Variants in CNTNAP2 observed in about 807,000 individuals in gnomAD.
CNTNAP2 encodes the protein contactin-associated protein-like 2.
CNTNAP2 carries 98 observed loss-of-function variants against 155.2 expected under a neutral mutation model. That is an observed-to-expected ratio of 0.63 (90% CI 0.54 to 0.75). CNTNAP2 has a LOEUF of 0.75. Among genes scored for constraint, CNTNAP2 ranks in the 30% least tolerant of loss-of-function variants. The pLI, the probability that CNTNAP2 is intolerant of heterozygous loss-of-function variation, is 0.00. For synonymous variants in CNTNAP2, 651 were observed against 631.2 expected, an observed-to-expected ratio of 1.03 and a Z score of -0.47; for missense variants, 1,727 against 1,688.1, an observed-to-expected ratio of 1.02 and a Z score of -0.40.
intron 1 of CNTNAP2, among the ~76,000 whole-genome samples, chr7:146,766,333 G>C (rs116597450): frequency 0.012 from 1,773 of 152,070 alleles, 31 homozygotes; most frequent in African/African-American, 0.037. Context: ...AAAAGATGTG[G>C]GTCTGATTTG....
chr7:146,316,465 A>G (rs765386841), intron 1 of CNTNAP2, among the ~76,000 whole-genome samples: 1 of 152,110 alleles, frequency 6.6e-6, no homozygotes, highest in African/African-American at 2.4e-5. Context: ...AGACAAGGTA[A>G]GAGTCATATT....
At chr7:147,554,249 A>G (rs1799907874) in intron 11 of CNTNAP2, among the ~76,000 whole-genome samples, 1 of 152,160 alleles carries the variant, frequency 6.6e-6, no homozygotes, top group South Asian at 2.1e-4. Context: ...AATTTGATAT[A>G]TTGTGGAGTG....
chr7:147,755,090 G>A (rs1797195689), intron 13 of CNTNAP2, among the ~76,000 whole-genome samples: 1 of 152,098 alleles, frequency 6.6e-6, no homozygotes, highest in Non-Finnish European at 1.5e-5. Flanking sequence ...AGTAAATCGG[G>A]TGAAAAATGA....
chr7:146,978,176 T>G (rs544168900), intron 3 of CNTNAP2, among the ~76,000 whole-genome samples: 4 of 152,130 alleles, frequency 2.6e-5, no homozygotes, highest in African/African-American at 9.7e-5. Flanking sequence ...CTTTAAAAAT[T>G]TGAGATAATT....
chr7:146,376,287 G>A (rs147758771), intron 1 of CNTNAP2, among the ~76,000 whole-genome samples: 37 of 152,074 alleles, frequency 2.4e-4, no homozygotes, highest in African/African-American at 7.0e-4. Context: ...CTTGTGCTCC[G>A]AATTCCTTAC....
intron 23 of CNTNAP2, among the ~76,000 whole-genome samples, chr7:148,413,383 A>G: frequency 2.0e-5 from 2 of 97,794 alleles, no homozygotes; most frequent in African/African-American, 3.8e-5. Flanking sequence ...CAAGAGTGAA[A>G]CTCCGTCTCA....
intron 2 of CNTNAP2, among the ~76,000 whole-genome samples, chr7:146,821,253 C>T (rs548208742): frequency 6.6e-6 from 1 of 152,250 alleles, no homozygotes; most frequent in East Asian, 1.9e-4. Context: ...CAGTTTCTTC[C>T]TAGCCTTGAT....
chr7:147,034,544 A>T (rs958620000), intron 3 of CNTNAP2, among the ~76,000 whole-genome samples: 6 of 152,120 alleles, frequency 3.9e-5, no homozygotes, highest in African/African-American at 1.4e-4. Flanking sequence ...TAATCGGTTC[A>T]ATTAGACCCC....
intron 1 of CNTNAP2, among the ~76,000 whole-genome samples, chr7:146,755,775 T>C (rs1585075325): frequency 6.6e-6 from 1 of 151,970 alleles, no homozygotes; most frequent in Non-Finnish European, 1.5e-5. Context: ...TATTGACACA[T>C]TCAAATGATA....
chr7:147,797,485 G>C (rs1395430800), intron 13 of CNTNAP2, among the ~76,000 whole-genome samples: 2 of 152,028 alleles, frequency 1.3e-5, no homozygotes, highest in Admixed American at 1.3e-4. Flanking sequence ...TAAGCTGTTT[G>C]ATAACAACCA....
chr7:147,407,285 G>A (rs1243709980), intron 10 of CNTNAP2, among the ~76,000 whole-genome samples: 1 of 151,878 alleles, frequency 6.6e-6, no homozygotes, highest in Admixed American at 6.6e-5. Flanking sequence ...TGGCTAACAT[G>A]GTGAAACCCC....
intron 19 of CNTNAP2, among the ~76,000 whole-genome samples, chr7:148,219,396 A>G (rs13231764): frequency 1.7e-4 from 26 of 152,324 alleles, no homozygotes; most frequent in African/African-American, 6.0e-4. Context: ...ATGGCATCTT[A>G]AAGAGCAAGA....
At chr7:146,299,065 A>C (rs1012420445) in intron 1 of CNTNAP2, among the ~76,000 whole-genome samples, 4 of 151,834 alleles carry the variant, frequency 2.6e-5, no homozygotes, top group South Asian at 4.2e-4. Context: ...TGAAGTCAGG[A>C]GCTCGAGACC....
intron 8 of CNTNAP2, among the ~76,000 whole-genome samples, chr7:147,167,016 T>G (rs1055422639): frequency 1.1e-4 from 16 of 152,282 alleles, no homozygotes; most frequent in African/African-American, 3.9e-4. Flanking sequence ...ACCCCATCAC[T>G]GTAAGGCTGC....
At chr7:146,836,052 A>G (rs931801025) in intron 2 of CNTNAP2, among the ~76,000 whole-genome samples, 1 of 152,158 alleles carries the variant, frequency 6.6e-6, no homozygotes, top group African/African-American at 2.4e-5. Context: ...GTACTGTATC[A>G]TAGAAAAAAT....
chr7:147,734,052 G>A (rs1347775136), intron 13 of CNTNAP2, among the ~76,000 whole-genome samples: 3 of 152,148 alleles, frequency 2.0e-5, no homozygotes, highest in Non-Finnish European at 2.9e-5. Context: ...CCAACACTAT[G>A]TTCAATAGTA....
At chr7:147,984,433 T>C (rs1801582507) in intron 15 of CNTNAP2, among the ~76,000 whole-genome samples, 1 of 152,136 alleles carries the variant, frequency 6.6e-6, no homozygotes, top group African/African-American at 2.4e-5. Flanking sequence ...ACAGAAACAA[T>C]GTTATTAGGT....
chr7:148,354,896 G>A (rs1798485996), intron 21 of CNTNAP2, among the ~76,000 whole-genome samples: 1 of 151,972 alleles, frequency 6.6e-6, no homozygotes, highest in South Asian at 2.1e-4. Context: ...CTCTGGCTCT[G>A]GCCAACATGG....
intron 11 of CNTNAP2, among the ~76,000 whole-genome samples, chr7:147,554,597 TA>T (rs202156090): frequency 6.6e-6 from 1 of 152,138 alleles, no homozygotes; most frequent in Non-Finnish European, 1.5e-5. Flanking sequence ...TTGTCTTTTT[TA>T]AAAAAATCCT....
Sources: allele counts gnomAD v4.1 joint callset (sites outside exome capture counted in the v4.1 genomes callset), GRCh38; gene constraint gnomAD v4.1.1; transcripts MANE v1.5; gene names NCBI Gene and HGNC (gene_info 2026-07-23, HGNC 2026-07-21).